Variants in FREM2 observed in about 807,000 individuals in gnomAD.
FREM2 encodes the protein FRAS1 related extracellular matrix 2.
A neutral mutation model predicts 219.9 loss-of-function variants in FREM2; 119 were observed. The ratio of observed to expected loss-of-function variants is 0.54; its 90% CI spans 0.47 to 0.63. FREM2 has a LOEUF of 0.63. FREM2 is among the 30% of genes least tolerant of loss of function. FREM2 has a pLI of 0.00. For missense variants in FREM2, 4,030 were observed against 3,993.6 expected (o/e 1.01, Z -0.25); for synonymous variants, 1,562 against 1,522.8 (o/e 1.03, Z -0.60).
intron 6 of FREM2, among the ~76,000 whole-genome samples, chr13:38,807,231 A>C (rs1384561331): frequency 8.3e-6 from 1 of 121,004 alleles, no homozygotes; most frequent in Non-Finnish European, 1.7e-5. Flanking sequence ...ATATATATGT[A>C]TGGTTTTGTT....
chr13:38,716,680 G>T (rs1871015488), intron 2 of FREM2, among the ~76,000 whole-genome samples: 1 of 152,022 alleles, frequency 6.6e-6, no homozygotes, highest in Non-Finnish European at 1.5e-5. Flanking sequence ...GCTAAGTTTT[G>T]TATTTTTAGT....
chr13:38,697,424 T>C (rs890473546), intron 1 of FREM2, among the ~76,000 whole-genome samples: 1 of 152,160 alleles, frequency 6.6e-6, no homozygotes, highest in African/African-American at 2.4e-5. Flanking sequence ...CTTTGGTGCA[T>C]GAACATGCAA....
rs779467930 is a variant in FREM2 at position 38,691,629 on chromosome 13, G to A, written c.4285G>A (p.Val1429Met). The change falls in exon 1 of 24, where the codon GTG (valine) becomes ATG (methionine). Residue 1429 changes from valine to methionine, a missense_variant. Coordinates refer to ENST00000280481, the MANE Select transcript of FREM2 (RefSeq NM_207361.6). ...CTTCCCTGATGTGATAAGTAAGGGA[G>A]TGTCCTTGAAAGAAGGTGGCAAAGT... ...IVFPDVISKG[V>M]SLKEGGKVTL... 6.2e-7 allele frequency: 1 copy of A among 1,614,078 alleles called. No individual in the cohort carries two copies. The highest frequency in any genetic ancestry group is 8.5e-7 in the Non-Finnish European group (1 of 1,179,964).
In FREM2 at chr13:38,859,342, A is replaced by T. The variant is rs1211215491; in HGVS notation, c.7271A>T (p.Glu2424Val). The T allele has an allele frequency of 1.2e-6, 2 of 1,614,092 alleles. No individual in the cohort carries two copies. Among genetic ancestry groups the T allele is most frequent in the Non-Finnish European group, 1.7e-6 (2 of 1,180,048 alleles). The change falls in exon 14 of 24, where the codon GAG (glutamate) becomes GTG (valine). Residue 2424 changes from glutamate to valine, a missense_variant. By Grantham distance (121) the Glu-to-Val change is moderately radical. Transcript: ENST00000280481. ...AAAACAGGCTCTATCTGTGCAAGTG[A>T]GAACATCAATGACACTTTGACGCGG... ...YDKTGSICAS[E>V]NINDTLTRYR...
At chr13:38,866,580 A>AG (rs1284577333) in intron 16 of FREM2, among the ~76,000 whole-genome samples, 1 of 151,604 alleles carries the variant, frequency 6.6e-6, no homozygotes, top group African/African-American at 2.4e-5. Flanking sequence ...AGGCAGGAGA[A>AG]TCGCTTGAAC....
intron 6 of FREM2, among the ~76,000 whole-genome samples, chr13:38,842,909 A>G (rs1300680743): frequency 6.6e-6 from 1 of 152,174 alleles, no homozygotes; most frequent in Non-Finnish European, 1.5e-5. Flanking sequence ...AGTATCCCCA[A>G]CCTTGAGAAG....
At chr13:38,795,187 T>C (rs1235719947) in intron 6 of FREM2, among the ~76,000 whole-genome samples, 1 of 151,922 alleles carries the variant, frequency 6.6e-6, no homozygotes, top group East Asian at 1.9e-4. Flanking sequence ...CAAAAACATA[T>C]AGGTCAACAT....
chr13:38,856,055 A>T, intron 11 of FREM2, 71 bp from the exon 12 acceptor site: 1 of 1,100,906 alleles, frequency 9.1e-7, no homozygotes, highest in Non-Finnish European at 1.3e-6. Flanking sequence ...TAAAAAAAAA[A>T]AAAAAAAAAA....
At chr13:38,711,699 T>C (rs990506467) in intron 2 of FREM2, among the ~76,000 whole-genome samples, 2 of 152,274 alleles carry the variant, frequency 1.3e-5, no homozygotes, top group East Asian at 3.9e-4. Context: ...TTTAAAATAG[T>C]CTTACTACTT....
chr13:38,734,100 A>G (rs906593972), intron 2 of FREM2, among the ~76,000 whole-genome samples: 1 of 152,164 alleles, frequency 6.6e-6, no homozygotes, highest in Non-Finnish European at 1.5e-5. Context: ...TATTTAAGAA[A>G]AAAAGTCAAG....
At chr13:38,809,109 C>A (rs375004693) in intron 6 of FREM2, among the ~76,000 whole-genome samples, 1 of 150,942 alleles carries the variant, frequency 6.6e-6, no homozygotes, top group Non-Finnish European at 1.5e-5. Flanking sequence ...TTTTCTTTGA[C>A]GGATTATCTT....
At position 38,691,436 on chromosome 13, in the gene FREM2, C is replaced by T. The variant is rs376607787; in HGVS notation, c.4092C>T (p.Ile1364=). The T allele has an allele frequency of 1.7e-5, 27 of 1,614,044 alleles. No individual in the cohort carries two copies. In the Admixed American group the frequency reaches 3.7e-4, roughly 22 times the overall value. ...RRKPTGAFEN[I]TLGMNFTQDE... ...AACCTACTGGTGCCTTTGAAAATAT[C>T]ACACTGGGCATGAATTTTACCCAGG... The change falls in exon 1 of 24, where the codon ATC becomes ATT. Residue 1364 remains isoleucine, a synonymous_variant. Coordinates refer to ENST00000280481, the MANE Select transcript of FREM2 (RefSeq NM_207361.6).
chr13:38,796,487 A>G (rs978909288), intron 6 of FREM2, among the ~76,000 whole-genome samples: 19 of 152,196 alleles, frequency 1.2e-4, no homozygotes, highest in African/African-American at 4.1e-4. Context: ...GAGGATGGCA[A>G]TTCTGATGCT....
At chr13:38,866,527 G>A (rs931861292) in intron 16 of FREM2, among the ~76,000 whole-genome samples, 2 of 151,720 alleles carry the variant, frequency 1.3e-5, no homozygotes, top group African/African-American at 4.8e-5. Context: ...AATTAGCCGG[G>A]CGTGGTGGCG....
chr13:38,830,092 A>G (rs1318209180), intron 6 of FREM2, among the ~76,000 whole-genome samples: 2 of 152,098 alleles, frequency 1.3e-5, no homozygotes, highest in East Asian at 3.9e-4. Flanking sequence ...AGACACATAG[A>G]TGTGAATAAA....
Position 38,744,526 on chromosome 13 carries a change from T to C in FREM2, c.5264-19778T>C, listed in dbSNP as rs192113670. Among the ~76,000 whole-genome samples the C allele has an allele frequency of 1.9e-3, 295 of 152,130 alleles. 2 individuals are homozygous for C. The highest frequency in any genetic ancestry group is 6.8e-3 in the African/African-American group (283 of 41,504). Reference sequence around the variant, plus strand: ...TTATTTTGAGATGGAGTTTTGGTCTTGTCAACCCAGGCTGGAGCGCAGTGG... The same window carrying C: ...TTATTTTGAGATGGAGTTTTGGTCTCGTCAACCCAGGCTGGAGCGCAGTGG... On this transcript the variant is annotated intron_variant, in intron 2 of 23. Transcript: ENST00000280481.
At chr13:38,839,645 T>C (rs1876869157) in intron 6 of FREM2, among the ~76,000 whole-genome samples, 1 of 152,190 alleles carries the variant, frequency 6.6e-6, no homozygotes, top group Non-Finnish European at 1.5e-5. Context: ...CTTTCAGAGA[T>C]GTCTTGCCCA....
intron 6 of FREM2, among the ~76,000 whole-genome samples, chr13:38,805,297 C>T (rs1372990988): frequency 6.6e-6 from 1 of 151,474 alleles, no homozygotes; most frequent in Non-Finnish European, 1.5e-5. Flanking sequence ...AAAAACCTGA[C>T]ATAACTAGGA....
intron 6 of FREM2, among the ~76,000 whole-genome samples, chr13:38,829,648 T>TA (rs1876430172): frequency 6.6e-6 from 1 of 151,164 alleles, no homozygotes; most frequent in African/African-American, 2.4e-5. Flanking sequence ...TTATATCCTT[T>TA]TTTTTTTTTT....
Sources: gnomAD v4.1 joint callset for allele counts (sites outside exome capture counted in the v4.1 genomes callset) on GRCh38, gnomAD v4.1.1 for gene constraint, MANE v1.5 for transcripts, NCBI Gene and HGNC (gene_info 2026-07-23, HGNC 2026-07-21) for gene names.